C12orf56: variants seen among roughly 807,000 people sequenced by gnomAD.
The protein encoded by C12orf56 is uncharacterized protein C12orf56.
C12orf56 carries 71 observed loss-of-function variants against 69.9 expected under a neutral mutation model. The observed-to-expected ratio is 1.02, with a 90% CI of 0.84 to 1.24. C12orf56 has a LOEUF of 1.24. Ranked by LOEUF, C12orf56 falls within the 50% of genes most tolerant of loss-of-function variation. C12orf56 has a pLI of 0.00. For missense variants in C12orf56, 732 were observed against 738.5 expected, an observed-to-expected ratio of 0.99 and a Z score of 0.10; for synonymous variants, 276 against 274.1, an observed-to-expected ratio of 1.01 and a Z score of -0.07.
rs574966710 is a variant in C12orf56 at position 64,274,623 on chromosome 12, T to C, written c.1584+278A>G. 3.3e-4 allele frequency among the ~76,000 whole-genome samples: 51 copies of C among 152,362 alleles called. 1 individual carries two copies. Among genetic ancestry groups the C allele is most frequent in the Non-Finnish European group, 6.5e-4 (44 of 68,042 alleles). ...AAATGTTTATCTTTTTACCTAATTA[T>C]ACAGCTAATAATTTAATATTCTGTT... On this transcript the variant is annotated intron_variant, in intron 11 of 12. Transcript: ENST00000543942.
At chr12:64,286,259 A>G (rs981020282) in intron 6 of C12orf56, among the ~76,000 whole-genome samples, 199 bp from the exon 7 acceptor site, 19 of 152,202 alleles carry the variant, frequency 1.2e-4, no homozygotes, top group African/African-American at 4.6e-4. Context: ...TGTGCTGGTG[A>G]CCAGAGCAAG....
intron 6 of C12orf56, among the ~76,000 whole-genome samples, chr12:64,286,752 T>C (rs2038207391): frequency 6.6e-6 from 1 of 152,204 alleles, no homozygotes; most frequent in Non-Finnish European, 1.5e-5. Flanking sequence ...ATTGTTCGTT[T>C]TTTCCCCAGG....
intron 1 of C12orf56, among the ~76,000 whole-genome samples, chr12:64,380,348 T>C (rs1223275492): frequency 6.6e-6 from 1 of 151,804 alleles, no homozygotes; most frequent in Non-Finnish European, 1.5e-5. Flanking sequence ...AAATATCAAC[T>C]CCTTCTCTAA....
At chr12:64,285,025 C>T (rs960796689) in intron 7 of C12orf56, among the ~76,000 whole-genome samples, 2 of 151,902 alleles carry the variant, frequency 1.3e-5, no homozygotes, top group African/African-American at 2.4e-5. Context: ...CCCAGGTGGG[C>T]GAATGGCCTG....
chr12:64,308,389 G>T (rs1044295679), intron 5 of C12orf56, among the ~76,000 whole-genome samples: 8 of 151,982 alleles, frequency 5.3e-5, no homozygotes, highest in African/African-American at 1.9e-4. Flanking sequence ...CTTAGTTTTG[G>T]TTTGTTAAAA....
intron 5 of C12orf56, among the ~76,000 whole-genome samples, chr12:64,311,959 T>C (rs1208371224): frequency 1.3e-5 from 2 of 152,068 alleles, no homozygotes; most frequent in Non-Finnish European, 2.9e-5. Context: ...CGAGTGACCA[T>C]GGAAAGAAGT....
Position 64,284,719 on chromosome 12 carries a change from T to G in C12orf56, c.1255A>C (p.Met419Leu). 1 of 1,611,382 alleles carries G rather than the reference T, an allele frequency of 6.2e-7. No homozygotes were observed. Among genetic ancestry groups the G allele is most frequent in the Non-Finnish European group, 8.5e-7 (1 of 1,178,964 alleles). The stretch of plus-strand genomic sequence containing the variant: ...GACTCGGTTTCTGTTTCTCTGAACA[T>G]CAATACTAGGGTCTGTATAATTTCA... ...CIEIIQTLVLMFRETETESSR... is the reference protein window; with the variant it reads ...CIEIIQTLVLLFRETETESSR... Residue 419 changes from methionine (M) to leucine (L), a missense_variant, in exon 8 of 13, where the codon ATG (methionine) becomes CTG (leucine). Met to Leu is a conservative substitution (Grantham distance 15). Transcript: ENST00000543942.
intron 4 of C12orf56, 146 bp downstream of exon 4, chr12:64,318,429 G>C (rs1458230654): frequency 1.4e-6 from 1 of 697,812 alleles, no homozygotes; most frequent in Non-Finnish European, 2.3e-6. Flanking sequence ...CTCCTTAATT[G>C]TTCAGTACAT....
At chr12:64,315,945 A>AG (rs1397141019) in intron 4 of C12orf56, among the ~76,000 whole-genome samples, 1 of 151,990 alleles carries the variant, frequency 6.6e-6, no homozygotes, top group African/African-American at 2.4e-5. Context: ...AAAAAAAAAA[A>AG]AAAAGTGTTT....
chr12:64,284,796 A>T (rs761916513), intron 7 of C12orf56, 43 bp from the exon 8 acceptor site: 12 of 1,433,414 alleles, frequency 8.4e-6, no homozygotes, highest in Non-Finnish European at 1.1e-5. Flanking sequence ...GCATGATTTC[A>T]TTAGAAGCTC....
intron 2 of C12orf56, among the ~76,000 whole-genome samples, chr12:64,335,996 A>T (rs996997796): frequency 2.6e-5 from 4 of 152,174 alleles, no homozygotes; most frequent in African/African-American, 9.7e-5. Context: ...CATATTAAAG[A>T]TTCTAGCAAT....
chr12:64,294,876 GA>G lies in C12orf56; in HGVS notation c.1113+8758del, dbSNP rs201907371. ...ATATTTTGCCACAATTTTTAAAAAT[GA>G]AAAAAAAATCATATGAAGAAAAAAA... On this transcript the variant is annotated intron_variant, in intron 6 of 12. Transcript: ENST00000543942. Among the ~76,000 whole-genome samples, 689 of 148,114 alleles carry G rather than the reference GA, an allele frequency of 4.7e-3. 5 individuals carry two copies. The highest frequency in any genetic ancestry group is 0.015 in the African/African-American group (626 of 40,458).
At chr12:64,338,869 A>G (rs1439404819) in intron 2 of C12orf56, 3 of 681,898 alleles carry the variant, frequency 4.4e-6, no homozygotes, top group Non-Finnish European at 8.0e-6. Context: ...GAATGGGCAG[A>G]GGAAACCCCT....
chr12:64,387,123 T>C (rs1449981903), intron 1 of C12orf56, among the ~76,000 whole-genome samples: 2 of 121,622 alleles, frequency 1.6e-5, no homozygotes. Context: ...TGTGTTCACA[T>C]TGAGCCCACC....
chr12:64,358,335 GTAA>G (rs1305683588), intron 1 of C12orf56, among the ~76,000 whole-genome samples: 4 of 151,742 alleles, frequency 2.6e-5, no homozygotes, highest in Non-Finnish European at 4.4e-5. Flanking sequence ...GCATGCGCCT[GTAA>G]TCCCAGCTAC....
chr12:64,348,205 G>T (rs1415471818), intron 2 of C12orf56, among the ~76,000 whole-genome samples: 1 of 152,156 alleles, frequency 6.6e-6, no homozygotes, highest in Non-Finnish European at 1.5e-5. Flanking sequence ...TTGAACCTGG[G>T]AGGCAGAAGT....
At chr12:64,348,251 C>T (rs2039173648) in intron 2 of C12orf56, among the ~76,000 whole-genome samples, 1 of 151,926 alleles carries the variant, frequency 6.6e-6, no homozygotes, top group Non-Finnish European at 1.5e-5. Context: ...GCACTCCAGC[C>T]TAGGCAACAG....
Position 64,271,372 on chromosome 12 carries a change from C to G in C12orf56, c.1585-658G>C, listed in dbSNP as rs954802722. ...CCCAGCTACTTGGGAGGCTGAGGCACAAGAACTGCTTGAATGCAGAGGCAG... is the reference window on the plus strand; with the variant it reads ...CCCAGCTACTTGGGAGGCTGAGGCAGAAGAACTGCTTGAATGCAGAGGCAG... On this transcript the variant is annotated intron_variant, in intron 11 of 12. Coordinates refer to ENST00000543942, the MANE Select transcript of C12orf56 (RefSeq NM_001170633.2). Among the ~76,000 whole-genome samples, 6 of 150,626 alleles carry G rather than the reference C, an allele frequency of 4.0e-5. No individual in the cohort carries two copies. In the East Asian group the frequency reaches 9.8e-4, roughly 25 times the overall value.
intron 1 of C12orf56, among the ~76,000 whole-genome samples, chr12:64,384,781 C>A (rs563605704): frequency 6.6e-6 from 1 of 152,100 alleles, no homozygotes; most frequent in Non-Finnish European, 1.5e-5. Context: ...CAGCTGGGCA[C>A]GGTGGCTCAT....
Sources: allele counts gnomAD v4.1 joint callset (sites outside exome capture counted in the v4.1 genomes callset), GRCh38; gene constraint gnomAD v4.1.1; transcripts MANE v1.5; gene names NCBI Gene and HGNC (gene_info 2026-07-23, HGNC 2026-07-21).